The following MCF2L variants were observed in gnomAD, a reference collection of about 807,000 sequenced individuals.
MCF2L encodes guanine nucleotide exchange factor DBS.
A neutral mutation model predicts 153.4 loss-of-function variants in MCF2L; 97 were observed. That is an observed-to-expected ratio of 0.63 (90% CI 0.54 to 0.75). The LOEUF (loss-of-function observed/expected upper bound fraction) is 0.75, where lower values mean the gene tolerates loss of function less well. MCF2L is among the 30% of genes least tolerant of loss of function. The pLI is 0.00. For missense variants in MCF2L, 1,347 were observed against 1,495.2 expected, an observed-to-expected ratio of 0.90 and a Z score of 1.64; for synonymous variants, 659 against 632.2, an observed-to-expected ratio of 1.04 and a Z score of -0.64.
intron 1 of MCF2L, among the ~76,000 whole-genome samples, chr13:112,986,450 C>T (rs2082644591): frequency 6.6e-6 from 1 of 152,252 alleles, no homozygotes; most frequent in South Asian, 2.1e-4. Flanking sequence ...AGCACCACCA[C>T]CGCCCCATTC....
At chr13:113,065,928 G>A in intron 7 of MCF2L, 118 bp from the exon 8 acceptor site, 3 of 1,112,790 alleles carry the variant, frequency 2.7e-6, no homozygotes, top group South Asian at 1.7e-5. Flanking sequence ...CGGGGGTCGG[G>A]GATTGACCCC....
intron 28 of MCF2L, 21 bp from the exon 29 acceptor site, chr13:113,096,529 G>A (rs755158791): frequency 1.3e-6 from 2 of 1,590,494 alleles, no homozygotes; most frequent in East Asian, 2.3e-5. Context: ...CGTGGCTGCC[G>A]CTGACCCTCG....
intron 1 of MCF2L, among the ~76,000 whole-genome samples, chr13:112,994,384 C>T (rs1419163952): frequency 6.7e-6 from 1 of 149,926 alleles, no homozygotes; most frequent in East Asian, 2.0e-4. Flanking sequence ...GTGCGTGGGA[C>T]GTCAAGCTGA....
intron 1 of MCF2L, among the ~76,000 whole-genome samples, chr13:112,988,159 G>A (rs533252988): frequency 1.2e-4 from 19 of 152,196 alleles, no homozygotes; most frequent in East Asian, 3.9e-4. Flanking sequence ...CTGTGGCAGC[G>A]CACATGTACA....
chr13:112,977,004 G>C (rs1222462060), intron 1 of MCF2L, among the ~76,000 whole-genome samples: 1 of 152,136 alleles, frequency 6.6e-6, no homozygotes, highest in Non-Finnish European at 1.5e-5. Context: ...ACTGAGAGAG[G>C]AAACGAGACA....
chr13:113,049,395 C>T (rs893939269), intron 4 of MCF2L, among the ~76,000 whole-genome samples: 1 of 152,170 alleles, frequency 6.6e-6, no homozygotes, highest in Non-Finnish European at 1.5e-5. Context: ...CCATGAGCCA[C>T]GCACTCCTTG....
intron 2 of MCF2L, among the ~76,000 whole-genome samples, chr13:113,020,867 T>TATGTGTGTATGTGTAG (rs376981912): frequency 4.8e-5 from 7 of 146,570 alleles, no homozygotes; most frequent in East Asian, 4.0e-4. Flanking sequence ...GTAGTGTGTA[T>TATGTGTGTATGTGTAG]ATGTGTGTAT....
At chr13:112,968,439 G>C (rs1353821346), upstream of MCF2L, 2 of 1,585,750 alleles carry the variant, frequency 1.3e-6, no homozygotes, top group South Asian at 2.3e-5. Context: ...CGTGTGTCGA[G>C]TGCACAGTGT....
intron 1 of MCF2L, among the ~76,000 whole-genome samples, chr13:112,991,264 A>C (rs1285753064): frequency 6.7e-6 from 1 of 149,234 alleles, no homozygotes; most frequent in Non-Finnish European, 1.5e-5. Context: ...TTTGGGGGGC[A>C]TCTCCCGGGA....
chr13:113,008,373 T>C (rs1174651811), intron 1 of MCF2L, among the ~76,000 whole-genome samples: 1 of 152,204 alleles, frequency 6.6e-6, no homozygotes, highest in African/African-American at 2.4e-5. Flanking sequence ...GCCCCTGGAC[T>C]CCAGCAGTCA....
rs1281506603 is a variant in MCF2L, at chr13:112,983,318, T to C, written c.79+13860T>C. On this transcript the variant is annotated intron_variant, in intron 1 of 29. Coordinates refer to ENST00000535094, the MANE Select transcript of MCF2L (RefSeq NM_001112732.3). This position sits in a 1 kb window ranked among gnomAD's most constrained non-coding sequence, Gnocchi z 4.0. Reference sequence around the variant, plus strand: ...TTCTGTGTCGTGAGAATAAAAAAGTTAACATGTCTTTGGCTTCCCATCTGC... The same window carrying C: ...TTCTGTGTCGTGAGAATAAAAAAGTCAACATGTCTTTGGCTTCCCATCTGC... 6.6e-6 allele frequency among the ~76,000 whole-genome samples: 1 copy of C among 152,172 alleles called. No homozygotes were observed. Among genetic ancestry groups the C allele is most frequent in the African/African-American group, 2.4e-5 (1 of 41,444 alleles).
In MCF2L at chr13:113,053,075, A is replaced by T. The variant is rs56065139; in HGVS notation, c.370-7518A>T. ...TTTGCTGGTGAGAGCCGGCTCTGCCATCGTGTCAGTTCATCCCGGATTGCT... is the reference window on the plus strand; with the variant it reads ...TTTGCTGGTGAGAGCCGGCTCTGCCTTCGTGTCAGTTCATCCCGGATTGCT... On this transcript the variant is annotated intron_variant, in intron 4 of 29. Coordinates refer to ENST00000535094, the MANE Select transcript of MCF2L (RefSeq NM_001112732.3). The surrounding 1 kb of genome is among the most constrained non-coding windows in gnomAD (Gnocchi z 4.4). Among the ~76,000 whole-genome samples the T allele has an allele frequency of 6.6e-6, 1 of 152,162 alleles. No homozygotes were observed. Among genetic ancestry groups the T allele is most frequent in the East Asian group, 1.9e-4 (1 of 5,200 alleles).
At chr13:112,995,953 G>C (rs555189690) in intron 1 of MCF2L, among the ~76,000 whole-genome samples, 1 of 152,262 alleles carries the variant, frequency 6.6e-6, no homozygotes, top group African/African-American at 2.4e-5. Context: ...TTCATCCCAA[G>C]CACAGTACAG....
intron 3 of MCF2L, among the ~76,000 whole-genome samples, chr13:113,030,835 G>T (rs1003379112): frequency 6.6e-6 from 1 of 152,148 alleles, no homozygotes; most frequent in African/African-American, 2.4e-5. Flanking sequence ...CCACATGGCC[G>T]GGGAGGAGAT....
chr13:112,986,274 T>C (rs541905978), intron 1 of MCF2L, among the ~76,000 whole-genome samples: 5 of 152,376 alleles, frequency 3.3e-5, no homozygotes, highest in African/African-American at 1.2e-4. Flanking sequence ...TGCTGAGTCC[T>C]TGTCCTCAGA....
intron 4 of MCF2L, among the ~76,000 whole-genome samples, chr13:113,049,748 G>T (rs1479120377): frequency 1.3e-5 from 2 of 152,210 alleles, no homozygotes; most frequent in Non-Finnish European, 2.9e-5. Context: ...CCAAGCGCTC[G>T]GCCACCGAGG....
chr13:113,077,333 T>A (rs2033603502), intron 13 of MCF2L, 122 bp downstream of exon 13: 2 of 1,147,508 alleles, frequency 1.7e-6, no homozygotes, highest in Non-Finnish European at 2.4e-6. Flanking sequence ...CTCCTCCCCT[T>A]CCACCTCCGG....
chr13:113,031,082 TACAG>T lies in MCF2L; in HGVS notation c.278+6330_278+6333del, dbSNP rs2085665236. Among the ~76,000 whole-genome samples the T allele has an allele frequency of 1.2e-5, 1 of 84,054 alleles. No homozygotes were observed. The highest frequency in any genetic ancestry group is 2.2e-5 in the Non-Finnish European group (1 of 45,190). 55.1% of individuals were successfully genotyped at this position (84,054 alleles called of 152,430 possible). ...AGACAGAGAGACAGAGACAGACAGA[TACAG>T]ACAGAGACAGAGACAGAGAGAGACA... On this transcript the variant is annotated intron_variant, in intron 3 of 29. Transcript: ENST00000535094. The surrounding 1 kb of genome is among the most constrained non-coding windows in gnomAD (Gnocchi z 5.5).
chr13:112,976,533 G>C (rs2082219886), intron 1 of MCF2L, among the ~76,000 whole-genome samples: 1 of 152,210 alleles, frequency 6.6e-6, no homozygotes, highest in African/African-American at 2.4e-5. Context: ...CGGCCTTCAG[G>C]TCGCTCATGG....
Sources: gnomAD v4.1 joint callset for allele counts (sites outside exome capture counted in the v4.1 genomes callset) on GRCh38, gnomAD v4.1.1 for gene constraint, Gnocchi (gnomAD v3.1) non-coding constraint, MANE v1.5 for transcripts, NCBI Gene and HGNC (gene_info 2026-07-23, HGNC 2026-07-21) for gene names.